Variants in MED17 observed in about 807,000 individuals in gnomAD.
The protein encoded by MED17 is mediator complex subunit 17.
A neutral mutation model predicts 80.8 loss-of-function variants in MED17; 49 were observed. That is an observed-to-expected ratio of 0.61 (90% confidence interval 0.48 to 0.77). MED17 has a LOEUF of 0.77. Among genes scored for constraint, MED17 ranks in the 30% least tolerant of loss-of-function variants. The probability of loss-of-function intolerance (pLI) is 0.00; values close to 1 mark genes in which losing one functional copy is unlikely to be tolerated. For synonymous variants in MED17, 281 were observed against 280.4 expected (o/e 1.00, Z -0.02); for missense variants, 718 against 787.0 (o/e 0.91, Z 1.05).
At chr11:93,803,831 A>G (rs140211105) in intron 9 of MED17, among the ~76,000 whole-genome samples, 1 of 152,060 alleles carries the variant, frequency 6.6e-6, no homozygotes, top group African/African-American at 2.4e-5. Flanking sequence ...AAGAAAGATT[A>G]GTGATGATGT....
intron 3 of MED17, among the ~76,000 whole-genome samples, chr11:93,791,233 T>C (rs7112202): frequency 0.051 from 7,750 of 152,280 alleles, 651 homozygotes; most frequent in African/African-American, 0.18. Flanking sequence ...CCAAAACCAC[T>C]CTTATCAGAA....
At position 93,813,737 on chromosome 11, in the gene MED17, A is replaced by G. The variant is rs1001030027; in HGVS notation, c.*1673A>G. ...AATTGCATCAAATACTAGAATTTAT[A>G]GACAGAGTCTCACTCTGTTCCCCAG... On this transcript the variant is annotated 3_prime_UTR_variant, in exon 12 of 12. Coordinates refer to ENST00000251871, the MANE Select transcript of MED17 (RefSeq NM_004268.5). 6.6e-6 allele frequency: 1 copy of G among 152,244 alleles called. No individual in the cohort carries two copies. The highest frequency in any genetic ancestry group is 1.5e-5 in the Non-Finnish European group (1 of 68,046). The allele number at this position is 152,244 out of a possible 1,614,324, so 9.4% of individuals were successfully genotyped here.
rs567425904 is a variant in MED17, at chr11:93,793,763, A to G, written c.673A>G (p.Ile225Val). The change falls in exon 4 of 12, where the codon ATA becomes GTA. Residue 225 changes from isoleucine (I) to valine (V), a missense_variant. By Grantham distance (29) the Ile-to-Val change is conservative. Transcript: ENST00000251871. The part of the protein sequence containing the change: ...LFPHHGTFEV[I>V]KNTDLDLDKK... ...TCCTCATCATGGTACATTTGAAGTA[A>G]TAAAGAATACAGATCTCGATCTGGA... The G allele has an allele frequency of 1.3e-6, 2 of 1,589,864 alleles. No individual in the cohort carries two copies. Among genetic ancestry groups the G allele is most frequent in the African/African-American group, 1.3e-5 (1 of 74,438 alleles).
At chr11:93,793,547 ACCTTTATCTTT>A in intron 3 of MED17, 170 bp from the exon 4 acceptor site, 1 of 561,248 alleles carries the variant, frequency 1.8e-6, no homozygotes, top group Non-Finnish European at 3.1e-6. Context: ...ACCACCCCCC[ACCTTTATCTTT>A]CTTTCCTTTG....
intron 2 of MED17, chr11:93,789,641 T>G (rs1248965446): frequency 1.3e-5 from 2 of 152,078 alleles, no homozygotes; most frequent in African/African-American, 2.4e-5. Context: ...TTCTGATCAG[T>G]TTTCCAAAAA....
chr11:93,800,140 A>ATT (rs764147988), intron 8 of MED17, among the ~76,000 whole-genome samples: 12 of 152,150 alleles, frequency 7.9e-5, no homozygotes, highest in Non-Finnish European at 1.5e-4. Flanking sequence ...TTCTATAGGA[A>ATT]TTATGAAGCA....
At position 93,810,177 on chromosome 11, in the gene MED17, A is replaced by T. The variant is rs542259535; in HGVS notation, c.1744+301A>T. ...TTTAATGGATAAAAACTTTAAAAAA[A>T]ATATATACTGCTGTAAACATGGGAA... On this transcript the variant is annotated intron_variant, in intron 11 of 11. Coordinates refer to ENST00000251871, the MANE Select transcript of MED17 (RefSeq NM_004268.5). The T allele has an allele frequency of 6.8e-4, 259 of 380,422 alleles. 1 individual carries two copies. The highest frequency in any genetic ancestry group is 3.7e-3 in the South Asian group (161 of 43,836). 23.6% of individuals were successfully genotyped at this position (380,422 alleles called of 1,614,324 possible).
At chr11:93,797,475 T>C (rs1486777660) in intron 7 of MED17, 60 bp from the exon 8 acceptor site, 1 of 1,470,060 alleles carries the variant, frequency 6.8e-7, no homozygotes, top group African/African-American at 1.4e-5. Flanking sequence ...ATGTTTTGAC[T>C]AAATATTATG....
rs1251586684 is a variant in MED17, at chr11:93,796,534, T to A, written c.1137T>A (p.Ile379=). ...YVLEHNLHLL[I]REFHKQTLSS... is the part of the protein sequence containing the mutation. Reference sequence around the variant, plus strand: ...TAGAGCATAATTTGCATCTACTGATTAGAGAGGTAAGGAAATAAATGTTTT... The same window carrying A: ...TAGAGCATAATTTGCATCTACTGATAAGAGAGGTAAGGAAATAAATGTTTT... Residue 379 remains isoleucine (I), a synonymous_variant, in exon 7 of 12, where the codon ATT becomes ATA. Transcript: ENST00000251871. 1 of 1,614,124 alleles carries A rather than the reference T, an allele frequency of 6.2e-7. No homozygotes were observed. The highest frequency in any genetic ancestry group is 8.5e-7 in the Non-Finnish European group (1 of 1,179,980).
At chr11:93,794,199 A>AT (rs35300764) in intron 5 of MED17, 164 bp downstream of exon 5, 56,241 of 321,730 alleles carry the variant, frequency 0.17, 3,249 homozygotes, top group African/African-American at 0.36. Context: ...TAGCTGTGCA[A>AT]TTTTTTTTTT....
At chr11:93,801,042 T>A (rs1943956715) in intron 8 of MED17, 2 of 152,290 alleles carry the variant, frequency 1.3e-5, no homozygotes, top group South Asian at 4.1e-4. Context: ...TGTTGATTAG[T>A]GTGTATAAGA....
chr11:93,784,568 G>A lies in MED17; in HGVS notation c.55G>A (p.Val19Ile), dbSNP rs1445096034. ...CATCGAATCGGCCTGCGAGAAGCAG[G>A]TCCATGAGGTGGGCCTGGATGGCAC... ...ISIESACEKQ[V>I]HEVGLDGTET... Residue 19 changes from valine (V) to isoleucine (I), a missense_variant, in exon 1 of 12, where the codon GTC becomes ATC. Physicochemically the swap from Val to Ile is conservative, Grantham distance 29. Coordinates refer to ENST00000251871, the MANE Select transcript of MED17 (RefSeq NM_004268.5). 1 of 1,612,464 alleles carries A rather than the reference G, an allele frequency of 6.2e-7. No individual in the cohort carries two copies. The highest frequency in any genetic ancestry group is 2.2e-5 in the East Asian group (1 of 44,830).
Position 93,812,929 on chromosome 11 carries a change from C to T in MED17, c.*865C>T, listed in dbSNP as rs950149705. The T allele has an allele frequency of 6.6e-6, 1 of 152,250 alleles. No homozygotes were observed. Among genetic ancestry groups the T allele is most frequent in the Non-Finnish European group, 1.5e-5 (1 of 68,132 alleles). The allele number at this position is 152,250 out of a possible 1,614,324, so 9.4% of individuals were successfully genotyped here. On this transcript the variant is annotated 3_prime_UTR_variant, in exon 12 of 12. Transcript: ENST00000251871. The stretch of plus-strand genomic sequence containing the variant: ...TGATTGACCTCACCAGTTGAGACAC[C>T]TAGTGTATGGCTCATGCCCAGCCTT...
chr11:93,801,435 C>T (rs1943960976), intron 8 of MED17: 1 of 214,010 alleles, frequency 4.7e-6, no homozygotes, highest in Non-Finnish European at 9.5e-6. Flanking sequence ...TGGGTGTGTC[C>T]CAAGTCATTT....
chr11:93,811,732 G>C, intron 11 of MED17, 121 bp from the exon 12 acceptor site: 2 of 891,414 alleles, frequency 2.2e-6, no homozygotes, highest in East Asian at 5.1e-5. Context: ...TTTTTTACAA[G>C]AATATTTAAG....
intron 1 of MED17, among the ~76,000 whole-genome samples, chr11:93,786,424 C>A (rs1943770717): frequency 6.6e-6 from 1 of 151,652 alleles, no homozygotes; most frequent in South Asian, 2.1e-4. Flanking sequence ...GACAATTTGG[C>A]AGTTTAATAT....
At chr11:93,796,666 G>A (rs1361747543) in intron 7 of MED17, 126 bp downstream of exon 7, 3 of 1,121,716 alleles carry the variant, frequency 2.7e-6, no homozygotes, top group South Asian at 1.2e-5. Flanking sequence ...TGTCTGATGT[G>A]AAAGATCCTT....
In MED17 at chr11:93,784,672, G is replaced by A; in HGVS notation, c.159G>A (p.Ser53=). The change falls in exon 1 of 12, where the codon TCG becomes TCA. Residue 53 remains serine (S), a synonymous_variant. Transcript: ENST00000251871. Reference sequence around the variant, plus strand: ...AGCGGATAGACTTCAGCCAGGGTTCGGGCTCCGAGGAGGAGGAGGCGGCGG... The same window carrying A: ...AGCGGATAGACTTCAGCCAGGGTTCAGGCTCCGAGGAGGAGGAGGCGGCGG... The part of the protein sequence containing the change: ...LAQRIDFSQG[S]GSEEEEAAGT... 1 of 1,559,880 alleles carries A rather than the reference G, an allele frequency of 6.4e-7. No homozygotes were observed. The highest frequency in any genetic ancestry group is 1.2e-5 in the South Asian group (1 of 84,988).
intron 8 of MED17, chr11:93,800,668 C>T (rs1565292201): frequency 6.6e-6 from 1 of 151,492 alleles, no homozygotes; most frequent in Non-Finnish European, 1.5e-5. Context: ...GCATCTTACT[C>T]TGGCTTAGAC....
Sources: allele counts gnomAD v4.1 joint callset (sites outside exome capture counted in the v4.1 genomes callset), GRCh38; gene constraint gnomAD v4.1.1; transcripts MANE v1.5; gene names NCBI Gene and HGNC (gene_info 2026-07-23, HGNC 2026-07-21).